GUCY1A2: variants seen among roughly 807,000 people sequenced by gnomAD.
GUCY1A2 encodes the protein guanylate cyclase 1 soluble subunit alpha 2, also known as guanylate cyclase soluble subunit alpha-2.
A neutral mutation model predicts 63.5 loss-of-function variants in GUCY1A2; 27 were observed. The observed-to-expected ratio is 0.43, with a 90% CI of 0.31 to 0.59. The LOEUF (loss-of-function observed/expected upper bound fraction) is 0.59. Ranked by LOEUF, GUCY1A2 falls within the 20% of genes least tolerant of loss-of-function variation. GUCY1A2 has a pLI of 0.11. For synonymous variants in GUCY1A2, 364 were observed against 343.5 expected (o/e 1.06, Z -0.66); for missense variants, 768 against 913.3 (o/e 0.84, Z 2.05).
At chr11:106,956,553 G>A (rs1565343173) in intron 3 of GUCY1A2, among the ~76,000 whole-genome samples, 2 of 152,036 alleles carry the variant, frequency 1.3e-5, no homozygotes, top group Non-Finnish European at 2.9e-5. Context: ...TAGGACTGCT[G>A]CAGTTTGCTA....
intron 4 of GUCY1A2, among the ~76,000 whole-genome samples, chr11:106,927,351 C>G (rs930193459): frequency 1.3e-5 from 2 of 150,252 alleles, no homozygotes; most frequent in African/African-American, 4.9e-5. Flanking sequence ...CCAGCCTGGG[C>G]AACAGAGCGA....
intron 6 of GUCY1A2, among the ~76,000 whole-genome samples, chr11:106,710,964 C>G (rs1181579845): frequency 6.6e-6 from 1 of 152,084 alleles, no homozygotes; most frequent in Non-Finnish European, 1.5e-5. Context: ...CATATATCAA[C>G]TCATAAAAAG....
intron 4 of GUCY1A2, among the ~76,000 whole-genome samples, chr11:106,938,933 A>G: frequency 6.6e-6 from 1 of 152,190 alleles, no homozygotes; most frequent in East Asian, 1.9e-4. Context: ...TAAAATTTAA[A>G]CAGAAGTCTC....
chr11:106,817,087 G>A (rs763673790), intron 4 of GUCY1A2, among the ~76,000 whole-genome samples: 54 of 152,004 alleles, frequency 3.6e-4, no homozygotes, highest in Non-Finnish European at 7.7e-4. Context: ...ATTTAAATGT[G>A]GTGCAGTTCC....
At chr11:106,727,660 T>G (rs1157071872) in intron 6 of GUCY1A2, among the ~76,000 whole-genome samples, 3 of 152,158 alleles carry the variant, frequency 2.0e-5, no homozygotes. Context: ...AATCACAGGT[T>G]TCTTAAAAAT....
chr11:106,705,489 T>C (rs993071881), intron 7 of GUCY1A2, among the ~76,000 whole-genome samples: 1 of 152,092 alleles, frequency 6.6e-6, no homozygotes, highest in Admixed American at 6.6e-5. Flanking sequence ...TACAGTAAAA[T>C]ACCATTTATG....
rs1444215272 is a variant in GUCY1A2, at chr11:106,802,356, AAG to A, written c.1692+7635_1692+7636del. ...TTCTTTACAGTTTATTGATACACAA[AAG>A]AGAGATACTGTGCAATAACACAATT... On this transcript the variant is annotated intron_variant, in intron 5 of 7. Transcript: ENST00000526355. Among the ~76,000 whole-genome samples the A allele has an allele frequency of 2.0e-5, 3 of 152,194 alleles. No homozygotes were observed. In the South Asian group the frequency reaches 6.2e-4, roughly 31 times the overall value.
At chr11:106,888,562 C>CA (rs1472656436) in intron 4 of GUCY1A2, among the ~76,000 whole-genome samples, 3 of 152,156 alleles carry the variant, frequency 2.0e-5, no homozygotes, top group Admixed American at 6.5e-5. Context: ...GGGAAAGTGA[C>CA]ACGATTGTTT....
chr11:106,800,654 C>T (rs752034054), intron 5 of GUCY1A2, among the ~76,000 whole-genome samples: 3 of 151,986 alleles, frequency 2.0e-5, no homozygotes, highest in Non-Finnish European at 2.9e-5. Context: ...AACCAAACAC[C>T]GCATGTTCTC....
intron 1 of GUCY1A2, among the ~76,000 whole-genome samples, chr11:107,014,079 CTTTTTTTTTTTTT>C (rs71044206): frequency 1.4e-4 from 10 of 70,022 alleles, no homozygotes; most frequent in African/African-American, 5.9e-4. Context: ...CCATGTTTTC[CTTTTTTTTTTTTT>C]TTTTTTTTTT....
At chr11:106,871,988 G>A (rs1164545547) in intron 4 of GUCY1A2, among the ~76,000 whole-genome samples, 1 of 152,094 alleles carries the variant, frequency 6.6e-6, no homozygotes, top group Non-Finnish European at 1.5e-5. Context: ...TGCTGTAGAT[G>A]TTGTCATGTA....
chr11:106,709,584 T>C (rs1309736847), intron 6 of GUCY1A2, among the ~76,000 whole-genome samples: 1 of 104,722 alleles, frequency 9.5e-6, no homozygotes, highest in Admixed American at 1.5e-4. Context: ...ATATAATATA[T>C]AGTTATATAT....
intron 5 of GUCY1A2, among the ~76,000 whole-genome samples, chr11:106,800,340 A>G (rs1041175741): frequency 2.0e-5 from 3 of 152,292 alleles, no homozygotes; most frequent in South Asian, 2.1e-4. Context: ...CGATTCCTCA[A>G]GGATCTAGAA....
chr11:106,984,253 T>C (rs1377579868), intron 2 of GUCY1A2, among the ~76,000 whole-genome samples: 1 of 152,202 alleles, frequency 6.6e-6, no homozygotes, highest in Admixed American at 6.5e-5. Context: ...CCTATTTGAA[T>C]CATGCCAGAC....
At chr11:107,014,527 T>C (rs1591364742) in intron 1 of GUCY1A2, among the ~76,000 whole-genome samples, 1 of 152,058 alleles carries the variant, frequency 6.6e-6, no homozygotes, top group Non-Finnish European at 1.5e-5. Context: ...AATTCTGGAA[T>C]TTTTTTTCAA....
chr11:106,762,274 A>G (rs147131248), intron 6 of GUCY1A2, among the ~76,000 whole-genome samples: 4 of 152,256 alleles, frequency 2.6e-5, no homozygotes, highest in Admixed American at 2.6e-4. Context: ...AAAAGTTGCA[A>G]ATATAAAAGA....
rs1201134326 is a variant in GUCY1A2 at position 106,676,804 on chromosome 11, G to T, written c.*10745C>A. On this transcript the variant is annotated 3_prime_UTR_variant, in exon 8 of 8. Coordinates refer to ENST00000526355, the MANE Select transcript of GUCY1A2 (RefSeq NM_000855.3). Reference sequence around the variant, plus strand: ...GTGTGGTACTCACATAAAAAAAAATGACTACTTGAAAATAAGAGGTTTTTC... The same window carrying T: ...GTGTGGTACTCACATAAAAAAAAATTACTACTTGAAAATAAGAGGTTTTTC... 1.0e-5 allele frequency: 2 copies of T among 195,570 alleles called. No individual in the cohort carries two copies. The highest frequency in any genetic ancestry group is 7.9e-5 in the East Asian group (1 of 12,608). 12.1% of individuals were successfully genotyped at this position (195,570 alleles called of 1,614,324 possible). A position where few individuals can be genotyped will look rare whatever the true frequency, so the allele number is the denominator to read the frequency against.
chr11:106,809,917 G>A, intron 5 of GUCY1A2, 76 bp downstream of exon 5: 1 of 951,638 alleles, frequency 1.1e-6, no homozygotes, highest in Non-Finnish European at 1.5e-6. Flanking sequence ...TCAAGTTTAA[G>A]TAAAAAAATC....
At chr11:106,909,217 C>G (rs1410515079) in intron 4 of GUCY1A2, among the ~76,000 whole-genome samples, 3 of 151,654 alleles carry the variant, frequency 2.0e-5, no homozygotes, top group Non-Finnish European at 4.4e-5. Context: ...CAGTTAGTTG[C>G]AAGAAATAAC....
Sources: allele counts gnomAD v4.1 joint callset (sites outside exome capture counted in the v4.1 genomes callset), GRCh38; gene constraint gnomAD v4.1.1; transcripts MANE v1.5; gene names NCBI Gene and HGNC (gene_info 2026-07-23, HGNC 2026-07-21).